Variants in SLC25A13 observed in about 807,000 individuals in gnomAD.
SLC25A13 encodes the protein electrogenic aspartate/glutamate antiporter SLC25A13, mitochondrial.
A neutral mutation model predicts 85.5 loss-of-function variants in SLC25A13; 70 were observed. The ratio of observed to expected loss-of-function variants is 0.82; its 90% CI spans 0.68 to 1.00. The LOEUF (loss-of-function observed/expected upper bound fraction) is 1.00, where lower values mean the gene tolerates loss of function less well. SLC25A13 is among the 50% of genes least tolerant of loss of function. The pLI, the probability that SLC25A13 is intolerant of heterozygous loss-of-function variation, is 0.00. For missense variants in SLC25A13, 765 were observed against 819.8 expected, an observed-to-expected ratio of 0.93 and a Z score of 0.82; for synonymous variants, 259 against 288.7, an observed-to-expected ratio of 0.90 and a Z score of 1.04.
intron 11 of SLC25A13, among the ~76,000 whole-genome samples, chr7:96,173,769 A>T (rs1794104278): frequency 6.6e-6 from 1 of 152,114 alleles, no homozygotes; most frequent in South Asian, 2.1e-4. Flanking sequence ...CTTCATCCCC[A>T]GGGCCACAGC....
chr7:96,144,809 G>C (rs773368288), intron 14 of SLC25A13, among the ~76,000 whole-genome samples: 2 of 152,138 alleles, frequency 1.3e-5, no homozygotes, highest in Non-Finnish European at 2.9e-5. Flanking sequence ...TTTGCAGGTA[G>C]TTTAACAGTC....
At position 96,194,444 on chromosome 7, in the gene SLC25A13, A is replaced by AAAAAAAAAAAAG. The variant is rs1794982535; in HGVS notation, c.469-1262_469-1261insCTTTTTTTTTTT. 1.4e-5 allele frequency among the ~76,000 whole-genome samples: 2 copies of AAAAAAAAAAAAG among 138,284 alleles called. 1 individual carries two copies. The highest frequency in any genetic ancestry group is 3.0e-5 in the Non-Finnish European group (2 of 66,092). The allele number at this position is 138,284 out of a possible 152,430, so 90.7% of individuals were successfully genotyped here. On this transcript the variant is annotated intron_variant, in intron 5 of 17. Coordinates refer to ENST00000265631, the MANE Select transcript of SLC25A13 (RefSeq NM_014251.3). ...GGTGACAGAGTGAAACCTTGTCTCAAAAAAAAAAAAAAAAAAAAAAAAAGG... is the reference window on the plus strand; with the variant it reads ...GGTGACAGAGTGAAACCTTGTCTCAAAAAAAAAAAAAGAAAAAAAAAAAAAAAAAAAAAAAGG...
chr7:96,122,119 T>C, intron 15 of SLC25A13, 122 bp from the exon 16 acceptor site: 1 of 1,318,554 alleles, frequency 7.6e-7, no homozygotes, highest in South Asian at 1.2e-5. Context: ...AATGCCTATT[T>C]TGCTGTCCTC....
At chr7:96,237,204 C>A (rs1364702973) in intron 3 of SLC25A13, among the ~76,000 whole-genome samples, 2 of 152,170 alleles carry the variant, frequency 1.3e-5, no homozygotes, top group Non-Finnish European at 2.9e-5. Flanking sequence ...ACTCAGTTGC[C>A]TGGCAATAAA....
intron 4 of SLC25A13, 72 bp from the exon 5 acceptor site, chr7:96,209,049 T>C: frequency 6.9e-7 from 1 of 1,447,950 alleles, no homozygotes; most frequent in Non-Finnish European, 9.6e-7. Flanking sequence ...TGTTATTGAA[T>C]GGATATCGCT....
chr7:96,212,034 G>A (rs962720196), intron 4 of SLC25A13, among the ~76,000 whole-genome samples: 3 of 152,182 alleles, frequency 2.0e-5, no homozygotes, highest in Non-Finnish European at 4.4e-5. Context: ...TTAAAAGGAA[G>A]GAGGTAGAGA....
intron 2 of SLC25A13, among the ~76,000 whole-genome samples, chr7:96,287,822 C>T (rs1035873170): frequency 5.3e-5 from 8 of 152,192 alleles, no homozygotes; most frequent in African/African-American, 1.9e-4. Context: ...ACAGATAGGT[C>T]CTCGGTTCAA....
chr7:96,166,929 AG>A (rs1793775851), intron 13 of SLC25A13: 1 of 152,188 alleles, frequency 6.6e-6, no homozygotes. Context: ...TACCTCATGC[AG>A]GGAAGACTGA....
At chr7:96,319,556 A>AC (rs1440750644) in intron 1 of SLC25A13, among the ~76,000 whole-genome samples, 2 of 151,136 alleles carry the variant, frequency 1.3e-5, no homozygotes, top group Admixed American at 1.3e-4. Flanking sequence ...AAAAAAAAAA[A>AC]AAAAAACTGC....
intron 14 of SLC25A13, among the ~76,000 whole-genome samples, chr7:96,134,025 GT>G (rs947826296): frequency 3.7e-4 from 52 of 142,308 alleles, no homozygotes; most frequent in East Asian, 4.1e-4. Flanking sequence ...TTCATTTGTT[GT>G]TTTTTTTTTT....
At chr7:96,184,253 A>G in intron 11 of SLC25A13, 24 bp downstream of exon 11, 1 of 1,613,642 alleles carries the variant, frequency 6.2e-7, no homozygotes, top group Admixed American at 1.7e-5. Flanking sequence ...TTCACCTAAC[A>G]GGTATTGAGC....
intron 1 of SLC25A13, among the ~76,000 whole-genome samples, chr7:96,308,722 T>G (rs1306300522): frequency 6.6e-6 from 1 of 152,034 alleles, no homozygotes; most frequent in African/African-American, 2.4e-5. Flanking sequence ...GATAAATATT[T>G]GACATAACAA....
intron 1 of SLC25A13, among the ~76,000 whole-genome samples, chr7:96,318,991 A>G (rs1800228234): frequency 6.6e-6 from 1 of 152,208 alleles, no homozygotes; most frequent in African/African-American, 2.4e-5. Flanking sequence ...GCTATGCTCC[A>G]GGGAAAAAGC....
At position 96,233,472 on chromosome 7, in the gene SLC25A13, A is replaced by G. The variant is rs1350530971; in HGVS notation, c.328+1330T>C. On this transcript the variant is annotated intron_variant, in intron 4 of 17. Coordinates refer to ENST00000265631, the MANE Select transcript of SLC25A13 (RefSeq NM_014251.3). Reference sequence around the variant, plus strand: ...ATTAAATAATCCTCATGAAGTATTAATGGAAAGCATCTGATCTTCTAGAAA... The same window carrying G: ...ATTAAATAATCCTCATGAAGTATTAGTGGAAAGCATCTGATCTTCTAGAAA... 1.5e-4 allele frequency among the ~76,000 whole-genome samples: 23 copies of G among 152,236 alleles called. 1 individual carries two copies.
chr7:96,168,547 G>C (rs972124270), intron 13 of SLC25A13, among the ~76,000 whole-genome samples: 1 of 152,058 alleles, frequency 6.6e-6, no homozygotes, highest in African/African-American at 2.4e-5. Context: ...TAGAAAATAC[G>C]TGCCACAACC....
At chr7:96,288,736 T>C (rs927601888) in intron 2 of SLC25A13, among the ~76,000 whole-genome samples, 1 of 152,150 alleles carries the variant, frequency 6.6e-6, no homozygotes, top group Non-Finnish European at 1.5e-5. Context: ...GCGCCCACCA[T>C]TGCTGAGGCT....
intron 1 of SLC25A13, among the ~76,000 whole-genome samples, chr7:96,300,525 C>G (rs752660659): frequency 2.0e-4 from 31 of 152,200 alleles, no homozygotes; most frequent in Admixed American, 4.6e-4. Context: ...ACCATGTTTA[C>G]TCCTTAAGAA....
chr7:96,183,827 G>A (rs1232621805), intron 11 of SLC25A13, among the ~76,000 whole-genome samples: 1 of 152,122 alleles, frequency 6.6e-6, no homozygotes, highest in Non-Finnish European at 1.5e-5. Context: ...AAGAAAAGGG[G>A]CAACTTTAAT....
intron 4 of SLC25A13, among the ~76,000 whole-genome samples, chr7:96,232,611 A>T (rs12535668): frequency 0.17 from 25,355 of 148,922 alleles, 2,363 homozygotes; most frequent in East Asian, 0.33. Flanking sequence ...AAAAAATTTA[A>T]AAAAATTTTA....
Sources: gnomAD v4.1 joint callset for allele counts (sites outside exome capture counted in the v4.1 genomes callset) on GRCh38, gnomAD v4.1.1 for gene constraint, MANE v1.5 for transcripts, NCBI Gene and HGNC (gene_info 2026-07-23, HGNC 2026-07-21) for gene names.